The following ZNF536 variants were observed in gnomAD, a reference collection of about 807,000 sequenced individuals.
ZNF536 encodes the protein zinc finger protein 536.
In ZNF536, 13 loss-of-function variants were observed where a neutral mutation model predicts 84.5. The observed-to-expected ratio is 0.15, with a 90% CI of 0.10 to 0.24. ZNF536 has a LOEUF of 0.24. Ranked by LOEUF, ZNF536 falls within the 10% of genes least tolerant of loss-of-function variation. The probability of loss-of-function intolerance (pLI) is 1.00; values close to 1 mark genes in which losing one functional copy is unlikely to be tolerated. For missense variants in ZNF536, 1,536 were observed against 1,747.5 expected, an observed-to-expected ratio of 0.88 and a Z score of 2.16; for synonymous variants, 811 against 742.5, an observed-to-expected ratio of 1.09 and a Z score of -1.50.
intron 1 of ZNF536, among the ~76,000 whole-genome samples, chr19:30,598,959 T>TTC: frequency 7.6e-5 from 4 of 52,462 alleles, no homozygotes; most frequent in African/African-American, 2.1e-4. Context: ...CTTCCTTCCT[T>TTC]CCTCCTTCCC....
intron 1 of ZNF536, among the ~76,000 whole-genome samples, chr19:30,441,395 C>A (rs1048899349): frequency 1.3e-5 from 2 of 152,218 alleles, no homozygotes; most frequent in African/African-American, 4.8e-5. Context: ...CAGACAGGGC[C>A]CTGGGGCCAC....
chr19:30,648,996 T>A (rs930536082), intron 1 of ZNF536, among the ~76,000 whole-genome samples: 3 of 151,964 alleles, frequency 2.0e-5, no homozygotes, highest in African/African-American at 4.8e-5. Flanking sequence ...ACTGAAAGAG[T>A]CTATAGTCTC....
chr19:30,631,499 T>C (rs1413711242), intron 1 of ZNF536, among the ~76,000 whole-genome samples: 1 of 152,162 alleles, frequency 6.6e-6, no homozygotes, highest in African/African-American at 2.4e-5. Context: ...CTCACGAATG[T>C]CTTCTTTACC....
At chr19:30,343,883 T>G (rs938739270) in intron 2 of ZNF536, among the ~76,000 whole-genome samples, 1 of 152,014 alleles carries the variant, frequency 6.6e-6, no homozygotes, top group Non-Finnish European at 1.5e-5. Context: ...CAGCAAGAGG[T>G]TGGCCAACTC....
intron 1 of ZNF536, among the ~76,000 whole-genome samples, chr19:30,600,729 G>A (rs73028855): frequency 0.11 from 17,043 of 152,258 alleles, 1,067 homozygotes; most frequent in Middle Eastern, 0.15. Context: ...ACGTTCAGGC[G>A]TGTGTGCCCC....
Position 30,501,945 on chromosome 19 carries a change from G to A in ZNF536, c.2171-32902G>A, listed in dbSNP as rs2054967790. The stretch of plus-strand genomic sequence containing the variant: ...CTAAGGGAGGTAGCTCAAGTGCTGG[G>A]ATCCCCAGGGATATAGCTCCAGGGG... On this transcript the variant is annotated intron_variant, in intron 2 of 4. Coordinates refer to ENST00000355537, the MANE Select transcript of ZNF536 (RefSeq NM_014717.3). Among the ~76,000 whole-genome samples the A allele has an allele frequency of 4.6e-5, 7 of 152,324 alleles. No individual in the cohort carries two copies. The South Asian group carries it at 1.4e-3, about 32-fold the overall frequency.
chr19:30,481,346 T>C (rs1333082225), intron 2 of ZNF536, among the ~76,000 whole-genome samples: 1 of 152,132 alleles, frequency 6.6e-6, no homozygotes, highest in Non-Finnish European at 1.5e-5. Flanking sequence ...GTCACACTGG[T>C]TTTTCTGGAC....
At chr19:30,471,386 G>A (rs893082555) in intron 2 of ZNF536, among the ~76,000 whole-genome samples, 1 of 152,192 alleles carries the variant, frequency 6.6e-6, no homozygotes, top group Non-Finnish European at 1.5e-5. Flanking sequence ...CAAATGTGGG[G>A]CCCACTGTTC....
chr19:30,324,183 T>A (rs1368982009), intron 2 of ZNF536, among the ~76,000 whole-genome samples: 1 of 151,694 alleles, frequency 6.6e-6, no homozygotes, highest in Non-Finnish European at 1.5e-5. Context: ...CATCATCCAT[T>A]ATCTATTCAT....
intron 1 of ZNF536, among the ~76,000 whole-genome samples, chr19:30,676,704 GGA>G (rs2050765178): frequency 6.6e-6 from 1 of 152,124 alleles, no homozygotes; most frequent in Admixed American, 6.5e-5. Context: ...CTTCAATAAT[GGA>G]GCCTTAGAGA....
At chr19:30,316,902 A>T (rs1339286390) in intron 2 of ZNF536, among the ~76,000 whole-genome samples, 1 of 152,168 alleles carries the variant, frequency 6.6e-6, no homozygotes, top group Non-Finnish European at 1.5e-5. Flanking sequence ...CATGTAGCAT[A>T]AAGCCCTGTG....
chr19:30,265,891 T>TTCTTG (rs2037120859), intron 1 of ZNF536, among the ~76,000 whole-genome samples: 1 of 151,870 alleles, frequency 6.6e-6, no homozygotes, highest in Admixed American at 6.6e-5. Context: ...CTCTTTTCTT[T>TTCTTG]TTTTTTTCTT....
At chr19:30,431,992 C>CATATATATATATATATATATAT (rs561025363) in intron 1 of ZNF536, among the ~76,000 whole-genome samples, 11 of 144,598 alleles carry the variant, frequency 7.6e-5, no homozygotes, top group South Asian at 4.6e-4. Context: ...TCATTAAAAG[C>CATATATATATATATATATATAT]ATATATATAT....
intron 1 of ZNF536, among the ~76,000 whole-genome samples, chr19:30,415,869 C>T (rs890215112): frequency 3.3e-5 from 5 of 152,182 alleles, no homozygotes; most frequent in African/African-American, 4.8e-5. Context: ...CTTGGCCTCC[C>T]AAAGTGCTGG....
chr19:30,702,149 T>TCCC (rs922586580), intron 1 of ZNF536, among the ~76,000 whole-genome samples: 1 of 152,088 alleles, frequency 6.6e-6, no homozygotes, highest in African/African-American at 2.4e-5. Context: ...CATTTTCTAC[T>TCCC]CCCCCTTAGG....
intron 1 of ZNF536, among the ~76,000 whole-genome samples, chr19:30,234,610 C>T (rs1318046807): frequency 6.6e-6 from 1 of 151,952 alleles, no homozygotes; most frequent in Non-Finnish European, 1.5e-5. Flanking sequence ...CCATGTTAGC[C>T]AGGCTGGTCT....
At chr19:30,485,863 A>T (rs1332268142) in intron 2 of ZNF536, among the ~76,000 whole-genome samples, 1 of 152,126 alleles carries the variant, frequency 6.6e-6, no homozygotes, top group Non-Finnish European at 1.5e-5. Context: ...CCTCATTAGC[A>T]AAAAATATCA....
chr19:30,265,166 C>T (rs932889740), intron 1 of ZNF536, among the ~76,000 whole-genome samples: 6 of 152,016 alleles, frequency 3.9e-5, no homozygotes, highest in Non-Finnish European at 8.8e-5. Flanking sequence ...CTTTATGTCC[C>T]TAGAAGACAG....
At chr19:30,411,729 T>C (rs2050503770) in intron 1 of ZNF536, among the ~76,000 whole-genome samples, 1 of 152,144 alleles carries the variant, frequency 6.6e-6, no homozygotes, top group African/African-American at 2.4e-5. Flanking sequence ...GATTTGATAG[T>C]ACACATGCTG....
Sources: allele counts gnomAD v4.1 joint callset (sites outside exome capture counted in the v4.1 genomes callset), GRCh38; gene constraint gnomAD v4.1.1; transcripts MANE v1.5; gene names NCBI Gene and HGNC (gene_info 2026-07-23, HGNC 2026-07-21).